HNF4A: variants seen among roughly 807,000 people sequenced by gnomAD.
HNF4A encodes hepatocyte nuclear factor 4-alpha.
In HNF4A, 15 loss-of-function variants were observed where a neutral mutation model predicts 52.4. The ratio of observed to expected loss-of-function variants is 0.29; its 90% CI spans 0.19 to 0.44. HNF4A has a LOEUF of 0.44. Ranked by LOEUF, HNF4A falls within the 20% of genes least tolerant of loss-of-function variation. The probability of loss-of-function intolerance (pLI) is 1.00; values close to 1 mark genes in which losing one functional copy is unlikely to be tolerated. For synonymous variants in HNF4A, 280 were observed against 264.4 expected, an observed-to-expected ratio of 1.06 and a Z score of -0.57; for missense variants, 479 against 647.2, an observed-to-expected ratio of 0.74 and a Z score of 2.82.
chr20:44,424,132 A>AGCT lies in HNF4A; in HGVS notation c.1022_1024dup (p.Leu341dup), dbSNP rs776489992. On this transcript the variant is annotated inframe_insertion, in exon 8 of 10. Coordinates refer to ENST00000316099, the MANE Select transcript of HNF4A (RefSeq NM_000457.6). ...TATGACTCGCGTGGCCGCTTTGGAG[A>AGCT]GCTGCTGCTGCTGCTGCCCACCTTG... The AGCT allele has an allele frequency of 1.2e-6, 2 of 1,613,364 alleles. No individual in the cohort carries two copies. Among genetic ancestry groups the AGCT allele is most frequent in the Non-Finnish European group, 1.7e-6 (2 of 1,179,894 alleles).
At chr20:44,393,399 C>T (rs1419551534) in intron 1 of HNF4A, among the ~76,000 whole-genome samples, 6 of 152,296 alleles carry the variant, frequency 3.9e-5, no homozygotes, top group Non-Finnish European at 8.8e-5. Flanking sequence ...ACCTCCGGAG[C>T]CTTACAGTCA....
At chr20:44,420,779 C>A (rs2063733643) in intron 7 of HNF4A, among the ~76,000 whole-genome samples, 2 of 152,122 alleles carry the variant, frequency 1.3e-5, no homozygotes, top group Non-Finnish European at 2.9e-5. Flanking sequence ...GATTGCACCA[C>A]TGCACTCCAG....
At chr20:44,383,372 G>T (rs1441264547) in intron 1 of HNF4A, among the ~76,000 whole-genome samples, 1 of 152,150 alleles carries the variant, frequency 6.6e-6, no homozygotes, top group Non-Finnish European at 1.5e-5. Flanking sequence ...TCACAGAGCA[G>T]TTCAGTAACT....
At chr20:44,376,723 C>G (rs746656752) in intron 1 of HNF4A, among the ~76,000 whole-genome samples, 1 of 152,098 alleles carries the variant, frequency 6.6e-6, no homozygotes, top group Non-Finnish European at 1.5e-5. Context: ...TGTGTCATTA[C>G]CAGACACATT....
intron 1 of HNF4A, among the ~76,000 whole-genome samples, chr20:44,369,672 CTTTT>C (rs1219027023): frequency 6.6e-6 from 1 of 152,002 alleles, no homozygotes; most frequent in African/African-American, 2.4e-5. Context: ...TTCTTTCTTT[CTTTT>C]GTTTTTCTGA....
chr20:44,357,773 C>T (rs1032847482), intron 1 of HNF4A, among the ~76,000 whole-genome samples: 24 of 151,750 alleles, frequency 1.6e-4, no homozygotes, highest in African/African-American at 5.1e-4. Flanking sequence ...TTTCATTTTC[C>T]AAACGGCTGT....
Position 44,405,776 on chromosome 20 carries a change from A to G in HNF4A, c.116-282A>G, listed in dbSNP as rs559184925. The stretch of plus-strand genomic sequence containing the variant: ...CCGGCTCCCACCCCAGAAGGTGGCC[A>G]GGTTTTCATGCCTTCCTAGAGAAAG... On this transcript the variant is annotated intron_variant, in intron 1 of 9. Coordinates refer to ENST00000316099, the MANE Select transcript of HNF4A (RefSeq NM_000457.6). Among the ~76,000 whole-genome samples, 3 of 152,304 alleles carry G rather than the reference A, an allele frequency of 2.0e-5. No homozygotes were observed. In the East Asian group the frequency reaches 5.8e-4, roughly 29 times the overall value.
At chr20:44,360,351 G>A (rs946455315) in intron 1 of HNF4A, among the ~76,000 whole-genome samples, 1 of 152,128 alleles carries the variant, frequency 6.6e-6, no homozygotes, top group African/African-American at 2.4e-5. Context: ...TAACTGGGGA[G>A]ATGGCTGGGT....
chr20:44,357,567 C>G (rs2062871787), intron 1 of HNF4A, among the ~76,000 whole-genome samples: 1 of 152,176 alleles, frequency 6.6e-6, no homozygotes, highest in African/African-American at 2.4e-5. Flanking sequence ...TATAACCTGA[C>G]AGCCTTTCAC....
chr20:44,383,638 G>A (rs112593405), intron 1 of HNF4A, among the ~76,000 whole-genome samples: 22,428 of 149,132 alleles, frequency 0.15, 2,356 homozygotes, highest in East Asian at 0.39. Context: ...TGCAACCTCC[G>A]CCTCCTGGGT....
intron 1 of HNF4A, among the ~76,000 whole-genome samples, chr20:44,379,974 C>T (rs983253893): frequency 3.3e-5 from 5 of 152,088 alleles, no homozygotes; most frequent in Admixed American, 2.0e-4. Flanking sequence ...CCTCGTGATC[C>T]GCCCGCCTTG....
chr20:44,366,146 GAAATA>G (rs1270149998), intron 1 of HNF4A, among the ~76,000 whole-genome samples: 2 of 152,188 alleles, frequency 1.3e-5, no homozygotes, highest in South Asian at 2.1e-4. Context: ...ACAAAAGAAT[GAAATA>G]AAATAAAATA....
At chr20:44,415,770 G>A (rs1303501147) in intron 5 of HNF4A, among the ~76,000 whole-genome samples, 1 of 152,204 alleles carries the variant, frequency 6.6e-6, no homozygotes, top group Non-Finnish European at 1.5e-5. Flanking sequence ...TTGGGACACT[G>A]TGAAAACGCT....
intron 1 of HNF4A, among the ~76,000 whole-genome samples, chr20:44,359,362 CAGG>C (rs755811082): frequency 3.9e-5 from 6 of 152,150 alleles, no homozygotes; most frequent in Admixed American, 6.5e-5. Flanking sequence ...AAGCTGGAGG[CAGG>C]AGGAGAAGAG....
Position 44,401,272 on chromosome 20 carries a change from A to C in HNF4A, c.-101A>C. On this transcript the variant is annotated 5_prime_UTR_variant, in exon 1 of 10. Transcript: ENST00000316099. ...CCAGAGGACGGTTTGAAAGGAAGGCAGAGAGGGCACTGGGAGGAGGCAGTG... is the reference window on the plus strand; with the variant it reads ...CCAGAGGACGGTTTGAAAGGAAGGCCGAGAGGGCACTGGGAGGAGGCAGTG... 1 of 1,548,968 alleles carries C rather than the reference A, an allele frequency of 6.5e-7. No homozygotes were observed. The highest frequency in any genetic ancestry group is 1.7e-5 in the Admixed American group (1 of 57,852).
intron 7 of HNF4A, 95 bp downstream of exon 7, chr20:44,419,971 T>C: frequency 1.6e-6 from 2 of 1,272,520 alleles, no homozygotes; most frequent in South Asian, 2.4e-5. Context: ...GTTCACAGCC[T>C]CATCTCATGT....
At chr20:44,370,536 T>C (rs987299653) in intron 1 of HNF4A, among the ~76,000 whole-genome samples, 6 of 152,204 alleles carry the variant, frequency 3.9e-5, no homozygotes, top group African/African-American at 1.4e-4. Flanking sequence ...CCTCCATCCC[T>C]TGATAGCAAT....
At chr20:44,387,665 G>A (rs1374743897) in intron 1 of HNF4A, among the ~76,000 whole-genome samples, 4 of 93,768 alleles carry the variant, frequency 4.3e-5, no homozygotes, top group African/African-American at 1.4e-4. Context: ...CGGGGGGGGG[G>A]GGAGGCGGGG....
intron 1 of HNF4A, among the ~76,000 whole-genome samples, chr20:44,405,733 C>T (rs2063490578): frequency 6.6e-6 from 1 of 152,176 alleles, no homozygotes; most frequent in South Asian, 2.1e-4. Flanking sequence ...TTCCACAGCC[C>T]CCTTGCGAGT....
Sources: allele counts gnomAD v4.1 joint callset (sites outside exome capture counted in the v4.1 genomes callset), GRCh38; gene constraint gnomAD v4.1.1; transcripts MANE v1.5; gene names NCBI Gene and HGNC (gene_info 2026-07-23, HGNC 2026-07-21).